Variants in FGG observed in about 807,000 individuals in gnomAD.
The protein encoded by FGG is fibrinogen gamma chain.
FGG carries 20 observed loss-of-function variants against 51.7 expected under a neutral mutation model. That is an observed-to-expected ratio of 0.39 (90% CI 0.27 to 0.56). The LOEUF is 0.56. Among genes scored for constraint, FGG ranks in the 20% least tolerant of loss-of-function variants. The pLI is 0.64. For synonymous variants in FGG, 184 were observed against 184.7 expected (o/e 1.00, Z 0.03); for missense variants, 460 against 534.2 (o/e 0.86, Z 1.37).
intron 4 of FGG, chr4:154,611,178 A>T (rs944416773): frequency 6.6e-6 from 1 of 152,132 alleles, no homozygotes; most frequent in Non-Finnish European, 1.5e-5. Context: ...CAGAAAAAAA[A>T]ATTGGGGAAA....
rs183036893 is a variant in FGG at position 154,604,334 on chromosome 4, G to A, written c.*500C>T. On this transcript the variant is annotated 3_prime_UTR_variant, in exon 9 of 9. Transcript: ENST00000336098. ...TAAAAAAGTAAATCTCTTTTGAAAC[G>A]GTCTTTTAAACGTCTCCAGCCTGTG... 1,948 of 1,510,172 alleles carry A rather than the reference G, an allele frequency of 1.3e-3. 1 individual carries two copies. The highest frequency in any genetic ancestry group is 1.5e-3 in the Non-Finnish European group (1,724 of 1,130,756). The allele number at this position is 1,510,172 out of a possible 1,614,324, so 93.5% of individuals were successfully genotyped here.
rs528773430 is a variant in FGG, at chr4:154,610,026, A to T, written c.532+41T>A. On this transcript the variant is annotated intron_variant, in intron 5 of 8. Coordinates refer to ENST00000336098, the MANE Select transcript of FGG (RefSeq NM_021870.3). ...ACATACTTTCTCCTTTACATTACTT[A>T]CTTTGATGAACCTAATCCCAATATA... 6 of 1,611,822 alleles carry T rather than the reference A, an allele frequency of 3.7e-6. No individual in the cohort carries two copies. In the African/African-American group the frequency reaches 8.0e-5, roughly 22 times the overall value.
chr4:154,605,058 A>C lies in FGG; in HGVS notation c.1138T>G (p.Tyr380Asp). 1 of 1,613,982 alleles carries C rather than the reference A, an allele frequency of 6.2e-7. No individual in the cohort carries two copies. The highest frequency in any genetic ancestry group is 8.5e-7 in the Non-Finnish European group (1 of 1,179,944). ...LNGVYYQGGT[Y>D]SKASTPNGYD... Reference sequence around the variant, plus strand: ...CCATTAGGAGTAGATGCTTTTGAGTAAGTGCCACCTAAAACAAGTCGTAGA... The same window carrying C: ...CCATTAGGAGTAGATGCTTTTGAGTCAGTGCCACCTAAAACAAGTCGTAGA... The change falls in exon 9 of 9, where the codon TAC (tyrosine) becomes GAC (aspartate). Residue 380 changes from tyrosine to aspartate, a missense_variant. By Grantham distance (160) the Tyr-to-Asp change is radical. Around this residue, in one of 3 missense-constraint regions of FGG, gnomAD observed 92 missense variants for 93.7 expected, o/e 0.98. Coordinates refer to ENST00000336098, the MANE Select transcript of FGG (RefSeq NM_021870.3).
At position 154,604,891 on chromosome 4, in the gene FGG, T is replaced by C. The variant is rs757607080; in HGVS notation, c.1305A>G (p.Arg435=). Residue 435 remains arginine, a synonymous_variant, in exon 9 of 9, where the codon AGA becomes AGG. Transcript: ENST00000336098. Reference sequence around the variant, plus strand: ...ATTCTGTTTCCGCAGGGTGCTCTGGTCTGACCTGTTTGGCTCCCCCCAGGT... The same window carrying C: ...ATTCTGTTTCCGCAGGGTGCTCTGGCCTGACCTGTTTGGCTCCCCCCAGGT... ...QHHLGGAKQV[R]PEHPAETEYD... is the part of the protein sequence containing the mutation. The C allele has an allele frequency of 2.5e-6, 4 of 1,614,148 alleles. No homozygotes were observed. The highest frequency in any genetic ancestry group is 2.5e-6 in the Non-Finnish European group (3 of 1,179,986).
At position 154,609,642 on chromosome 4, in the gene FGG, A is replaced by G. The variant is rs780343011; in HGVS notation, c.654T>C (p.Thr218=). The change falls in exon 6 of 9, where the codon ACT becomes ACC. Residue 218 remains threonine (T), a synonymous_variant. Coordinates refer to ENST00000336098, the MANE Select transcript of FGG (RefSeq NM_021870.3). ...GGGAAAAAATTACCTTCTGAAACACAGTCCATCCATTTCCAGACCCATCGA... is the reference window on the plus strand; with the variant it reads ...GGGAAAAAATTACCTTCTGAAACACGGTCCATCCATTTCCAGACCCATCGA... ...CEIDGSGNGW[T]VFQKRLDGSV... 1.2e-6 allele frequency: 2 copies of G among 1,613,952 alleles called. No individual in the cohort carries two copies. The highest frequency in any genetic ancestry group is 1.7e-6 in the Non-Finnish European group (2 of 1,179,888).
At position 154,604,768 on chromosome 4, in the gene FGG, A is replaced by T. The variant is rs1731065954; in HGVS notation, c.*66T>A. The T allele has an allele frequency of 6.2e-7, 1 of 1,607,566 alleles. No individual in the cohort carries two copies. Among genetic ancestry groups the T allele is most frequent in the Admixed American group, 1.7e-5 (1 of 59,774 alleles). On this transcript the variant is annotated 3_prime_UTR_variant, in exon 9 of 9. Transcript: ENST00000336098. ...GAAATCAATAAATATAGTAAGAGAA[A>T]AAAGGAAGAAACTTTCAGAGAATTT...
intron 4 of FGG, chr4:154,611,484 C>T (rs750771078): frequency 3.1e-4 from 57 of 181,644 alleles, no homozygotes; most frequent in Non-Finnish European, 5.2e-4. Context: ...TTTTCAACAC[C>T]CAAATTCCTA....
Position 154,606,614 on chromosome 4 carries a change from T to G in FGG, c.1129+91A>C. On this transcript the variant is annotated intron_variant, in intron 8 of 8. Transcript: ENST00000336098. ...ATAAAATCCCTACTATCTTTATAAA[T>G]TATTCTTCATTTCTTCATATCTATT... 1.5e-5 allele frequency: 20 copies of G among 1,359,034 alleles called. No individual in the cohort carries two copies. The South Asian group carries it at 2.3e-4, about 16-fold the overall frequency. 84.2% of individuals were successfully genotyped at this position (1,359,034 alleles called of 1,614,324 possible).
At chr4:154,606,597 C>T in intron 8 of FGG, 108 bp downstream of exon 8, 1 of 1,232,538 alleles carries the variant, frequency 8.1e-7, no homozygotes, top group Non-Finnish European at 1.1e-6. Context: ...TGATAAAATC[C>T]CTACTATCTT....
chr4:154,611,779 G>A (rs1335625478), intron 4 of FGG, 26 bp downstream of exon 4: 2 of 1,473,418 alleles, frequency 1.4e-6, no homozygotes, highest in Non-Finnish European at 1.9e-6. Context: ...CAGTCTTGCA[G>A]AGCAAATTAA....
At chr4:154,609,931 A>T in intron 5 of FGG, 136 bp downstream of exon 5, 1 of 1,494,404 alleles carries the variant, frequency 6.7e-7, no homozygotes, top group Non-Finnish European at 9.3e-7. Flanking sequence ...TATTCAAGAA[A>T]GGTCTAGACA....
At chr4:154,605,366 A>C (rs770909057) in intron 8 of FGG, among the ~76,000 whole-genome samples, 3 of 152,086 alleles carry the variant, frequency 2.0e-5, no homozygotes, top group African/African-American at 4.8e-5. Context: ...TCCATCCCGG[A>C]CTCAGCTGCT....
rs748835634 is a variant in FGG at position 154,604,197 on chromosome 4, C to T, written c.*637G>A. The T allele has an allele frequency of 5.5e-6, 3 of 546,822 alleles. No homozygotes were observed. Among genetic ancestry groups the T allele is most frequent in the Admixed American group, 8.2e-5 (2 of 24,338 alleles). 33.9% of individuals were successfully genotyped at this position (546,822 alleles called of 1,614,324 possible). ...TAGATAAATTATCATCAGCATAAAACTGTTATGGAGTTTTCAACATGGGGT... is the reference window on the plus strand; with the variant it reads ...TAGATAAATTATCATCAGCATAAAATTGTTATGGAGTTTTCAACATGGGGT... On this transcript the variant is annotated 3_prime_UTR_variant, in exon 9 of 9. Coordinates refer to ENST00000336098, the MANE Select transcript of FGG (RefSeq NM_021870.3).
chr4:154,608,794 C>T (rs1218807614), intron 6 of FGG, 144 bp from the exon 7 acceptor site: 1 of 710,132 alleles, frequency 1.4e-6, no homozygotes, highest in African/African-American at 1.8e-5. Context: ...ACCTCAGTTT[C>T]CTCATGTATC....
intron 7 of FGG, among the ~76,000 whole-genome samples, chr4:154,608,260 A>T (rs1442505965): frequency 6.6e-6 from 1 of 152,176 alleles, no homozygotes; most frequent in African/African-American, 2.4e-5. Flanking sequence ...GGGTAATTAG[A>T]TTGTACCAAT....
In FGG at chr4:154,604,544, A is replaced by G; in HGVS notation, c.*290T>C. On this transcript the variant is annotated 3_prime_UTR_variant, in exon 9 of 9. Coordinates refer to ENST00000336098, the MANE Select transcript of FGG (RefSeq NM_021870.3). ...TTTGATATAATGAAAATAATTTACG[A>G]AGACAAAATAAATGACAAGTGGTCA... 1 of 1,128,054 alleles carries G rather than the reference A, an allele frequency of 8.9e-7. No individual in the cohort carries two copies. Among genetic ancestry groups the G allele is most frequent in the South Asian group, 2.3e-5 (1 of 43,382 alleles). The allele number at this position is 1,128,054 out of a possible 1,614,324, so 69.9% of individuals were successfully genotyped here. A position where few individuals can be genotyped will look rare whatever the true frequency, so the allele number is the denominator to read the frequency against.
rs777692915 is a variant in FGG, at chr4:154,605,078, C to T, written c.1130-12G>A. The T allele has an allele frequency of 5.0e-6, 8 of 1,613,724 alleles. No individual in the cohort carries two copies. Among genetic ancestry groups the T allele is most frequent in the Non-Finnish European group, 6.8e-6 (8 of 1,179,866 alleles). ...TGAGTAAGTGCCACCTAAAACAAGT[C>T]GTAGATGTACATATCATTATTCTGG... On this transcript the variant is annotated splice_polypyrimidine_tract_variant and intron_variant, in intron 8 of 8. Coordinates refer to ENST00000336098, the MANE Select transcript of FGG (RefSeq NM_021870.3).
rs1731148098 is a variant in FGG, at chr4:154,608,733, A to T, written c.667-83T>A. 4 of 1,309,084 alleles carry T rather than the reference A, an allele frequency of 3.1e-6. No individual in the cohort carries two copies. In the Admixed American group the frequency reaches 5.1e-5, roughly 17 times the overall value. The allele number at this position is 1,309,084 out of a possible 1,614,324, so 81.1% of individuals were successfully genotyped here. A position where few individuals can be genotyped will look rare whatever the true frequency, so the allele number is the denominator to read the frequency against. On this transcript the variant is annotated intron_variant, in intron 6 of 8. Coordinates refer to ENST00000336098, the MANE Select transcript of FGG (RefSeq NM_021870.3). Reference sequence around the variant, plus strand: ...GAATGCTGTCAACATTTTGTCAAAAATACAGAGCACTGGTTCTATCAACTC... The same window carrying T: ...GAATGCTGTCAACATTTTGTCAAAATTACAGAGCACTGGTTCTATCAACTC...
chr4:154,604,865 T>C lies in FGG; in HGVS notation c.1331A>G (p.Tyr444Cys). The change falls in exon 9 of 9, where the codon TAT (tyrosine) becomes TGT (cysteine). Residue 444 changes from tyrosine (Y) to cysteine (C), a missense_variant. This residue lies in a region of FGG where 92 missense variants were observed against 93.7 expected (regional missense o/e 0.98). Transcript: ENST00000336098. Reference sequence around the variant, plus strand: ...ATCATCCTCAGGGTAAAGTGAGTCATATTCTGTTTCCGCAGGGTGCTCTGG... The same window carrying C: ...ATCATCCTCAGGGTAAAGTGAGTCACATTCTGTTTCCGCAGGGTGCTCTGG... ...VRPEHPAETEYDSLYPEDDL is the reference protein window; with the variant it reads ...VRPEHPAETECDSLYPEDDL The C allele has an allele frequency of 6.2e-7, 1 of 1,614,098 alleles. No individual in the cohort carries two copies. The highest frequency in any genetic ancestry group is 1.7e-5 in the Admixed American group (1 of 60,020).
Sources: gnomAD v4.1 joint callset for allele counts (sites outside exome capture counted in the v4.1 genomes callset) on GRCh38, gnomAD v4.1.1 for gene constraint, gnomAD v4.1.1 regional missense constraint, MANE v1.5 for transcripts, NCBI Gene and HGNC (gene_info 2026-07-23, HGNC 2026-07-21) for gene names.